The following SH3GL2 variants were observed in gnomAD, a reference collection of about 807,000 sequenced individuals.
The protein encoded by SH3GL2 is endophilin-A1.
SH3GL2 carries 24 observed loss-of-function variants against 46.0 expected under a neutral mutation model. The ratio of observed to expected loss-of-function variants is 0.52; its 90% CI spans 0.38 to 0.73. The LOEUF (loss-of-function observed/expected upper bound fraction) is 0.73. SH3GL2 is among the 30% of genes least tolerant of loss of function. The pLI is 0.00. For missense variants in SH3GL2, 413 were observed against 424.2 expected (o/e 0.97, Z 0.23); for synonymous variants, 196 against 147.1 (o/e 1.33, Z -2.40).
At chr9:17,640,361 T>G (rs1025136877) in intron 1 of SH3GL2, among the ~76,000 whole-genome samples, 2 of 152,080 alleles carry the variant, frequency 1.3e-5, no homozygotes, top group African/African-American at 4.8e-5. Context: ...CCTTTTTTCT[T>G]TTTTTTAAAC....
intron 1 of SH3GL2, among the ~76,000 whole-genome samples, chr9:17,621,061 C>T (rs1345824013): frequency 6.6e-6 from 1 of 152,080 alleles, no homozygotes; most frequent in Admixed American, 6.5e-5. Context: ...CTGTGGTTTT[C>T]GTGTATGAAA....
intron 8 of SH3GL2, among the ~76,000 whole-genome samples, chr9:17,795,208 C>T (rs889671966): frequency 4.6e-5 from 7 of 152,188 alleles, no homozygotes; most frequent in African/African-American, 9.7e-5. Flanking sequence ...CATTGTCCCT[C>T]CTATTTCTGG....
In SH3GL2 at chr9:17,747,109, A is replaced by G. The variant is rs1822711665; in HGVS notation, c.89A>G (p.Asp30Gly). ...GGAGGAGCTGAAGGAACCAAGCTAG[A>G]TGATGACTTCAAAGAGATGGAAAGG... The part of the protein sequence containing the change: ...KVGGAEGTKL[D>G]DDFKEMERKV... Residue 30 changes from aspartate (D) to glycine (G), a missense_variant, in exon 2 of 9, where the codon GAT (aspartate) becomes GGT (glycine). Transcript: ENST00000380607. 1.2e-6 allele frequency: 2 copies of G among 1,610,226 alleles called. No homozygotes were observed. The highest frequency in any genetic ancestry group is 1.3e-5 in the African/African-American group (1 of 74,990).
chr9:17,712,084 A>G (rs781462051), intron 1 of SH3GL2, among the ~76,000 whole-genome samples: 2 of 151,670 alleles, frequency 1.3e-5, no homozygotes, highest in Admixed American at 1.3e-4. Flanking sequence ...GCGTCTTTTT[A>G]TGTGCTTTTT....
Position 17,631,910 on chromosome 9 carries a change from G to C in SH3GL2, c.45+52623G>C, listed in dbSNP as rs78394602. 8.7e-4 allele frequency among the ~76,000 whole-genome samples: 132 copies of C among 152,232 alleles called. 2 individuals are homozygous for C. The East Asian group carries it at 0.021, about 24-fold the overall frequency. ...TCGACCTAAAAAATGTCAATACTTT[G>C]TTATGGTTTTGAAATGTATCTGATA... On this transcript the variant is annotated intron_variant, in intron 1 of 8. Transcript: ENST00000380607.
At chr9:17,731,301 T>C (rs755888622) in intron 1 of SH3GL2, among the ~76,000 whole-genome samples, 13 of 151,916 alleles carry the variant, frequency 8.6e-5, no homozygotes, top group Non-Finnish European at 1.6e-4. Flanking sequence ...TATTTGGAGA[T>C]GGGGCCCTTG....
chr9:17,720,175 C>T (rs2118337186), intron 1 of SH3GL2, among the ~76,000 whole-genome samples: 1 of 152,184 alleles, frequency 6.6e-6, no homozygotes, highest in East Asian at 1.9e-4. Flanking sequence ...GTACCGGAGA[C>T]ACGATGCGTC....
At chr9:17,716,488 G>A (rs1821763052) in intron 1 of SH3GL2, among the ~76,000 whole-genome samples, 1 of 152,106 alleles carries the variant, frequency 6.6e-6, no homozygotes. Context: ...TCAATTCCAG[G>A]TCAATTATAA....
At chr9:17,763,852 G>A (rs1823245881) in intron 3 of SH3GL2, among the ~76,000 whole-genome samples, 2 of 152,174 alleles carry the variant, frequency 1.3e-5, no homozygotes, top group African/African-American at 2.4e-5. Context: ...TGCACTTCAC[G>A]TTGCACGATC....
At chr9:17,687,848 A>G (rs1408782338) in intron 1 of SH3GL2, among the ~76,000 whole-genome samples, 3 of 152,104 alleles carry the variant, frequency 2.0e-5, no homozygotes, top group East Asian at 1.9e-4. Flanking sequence ...TATCTGAGGC[A>G]TACAATTTAG....
intron 1 of SH3GL2, among the ~76,000 whole-genome samples, chr9:17,701,356 C>G (rs989848971): frequency 6.6e-6 from 1 of 151,940 alleles, no homozygotes; most frequent in Non-Finnish European, 1.5e-5. Flanking sequence ...AGAGGGAAAC[C>G]GAAGACCTGA....
intron 1 of SH3GL2, among the ~76,000 whole-genome samples, chr9:17,690,231 A>G (rs1267025511): frequency 6.6e-6 from 1 of 152,132 alleles, no homozygotes; most frequent in African/African-American, 2.4e-5. Context: ...AGTAGCGTTT[A>G]TGGGATAAAC....
At position 17,725,401 on chromosome 9, in the gene SH3GL2, T is replaced by A. The variant is rs1432553529; in HGVS notation, c.46-21665T>A. On this transcript the variant is annotated intron_variant, in intron 1 of 8. Coordinates refer to ENST00000380607, the MANE Select transcript of SH3GL2 (RefSeq NM_003026.5). ...TCCACCGTTTCACTTATTGTTACTG[T>A]TATCATGAAGCTACCAGGCCCTGCA... is the stretch of plus-strand genomic sequence containing the variant. Among the ~76,000 whole-genome samples the A allele has an allele frequency of 3.9e-5, 6 of 152,260 alleles. No individual in the cohort carries two copies. In the East Asian group the frequency reaches 1.2e-3, roughly 29 times the overall value.
At chr9:17,689,457 A>G (rs1243568996) in intron 1 of SH3GL2, among the ~76,000 whole-genome samples, 1 of 152,104 alleles carries the variant, frequency 6.6e-6, no homozygotes, top group African/African-American at 2.4e-5. Flanking sequence ...ATGCCATATT[A>G]ATGTACAGTG....
chr9:17,761,282 C>T (rs1823162623), intron 2 of SH3GL2, among the ~76,000 whole-genome samples, 155 bp from the exon 3 acceptor site: 1 of 152,206 alleles, frequency 6.6e-6, no homozygotes, highest in African/African-American at 2.4e-5. Context: ...ACAGTGTCAG[C>T]ATGACTTCCA....
intron 1 of SH3GL2, among the ~76,000 whole-genome samples, chr9:17,632,925 T>A (rs1819464739): frequency 6.6e-6 from 1 of 152,216 alleles, no homozygotes; most frequent in Non-Finnish European, 1.5e-5. Context: ...TACTTATTGC[T>A]GAAACAAGTT....
chr9:17,795,731 C>G lies in SH3GL2; in HGVS notation c.1047C>G (p.Ala349=). ...TCAATTATGTGGAAATTCTGGTTGCCCTGCCCCATTAGGATGTTATGCTGG... is the reference window on the plus strand; with the variant it reads ...TCAATTATGTGGAAATTCTGGTTGCGCTGCCCCATTAGGATGTTATGCTGG... ...FPINYVEILV[A]LPH Residue 349 remains alanine (A), a synonymous_variant, in exon 9 of 9, where the codon GCC becomes GCG. Coordinates refer to ENST00000380607, the MANE Select transcript of SH3GL2 (RefSeq NM_003026.5). 1.2e-6 allele frequency: 2 copies of G among 1,613,454 alleles called. No individual in the cohort carries two copies. The highest frequency in any genetic ancestry group is 1.7e-6 in the Non-Finnish European group (2 of 1,179,614).
At chr9:17,690,802 C>G (rs1821056770) in intron 1 of SH3GL2, among the ~76,000 whole-genome samples, 1 of 152,132 alleles carries the variant, frequency 6.6e-6, no homozygotes, top group Non-Finnish European at 1.5e-5. Context: ...AACACATGGT[C>G]TCCATATCAT....
intron 1 of SH3GL2, among the ~76,000 whole-genome samples, chr9:17,595,936 T>G (rs1818561827): frequency 6.6e-6 from 1 of 152,128 alleles, no homozygotes. Flanking sequence ...GGTCAGTGGG[T>G]TTATGGGTGA....
Sources: allele counts gnomAD v4.1 joint callset (sites outside exome capture counted in the v4.1 genomes callset), GRCh38; gene constraint gnomAD v4.1.1; transcripts MANE v1.5; gene names NCBI Gene and HGNC (gene_info 2026-07-23, HGNC 2026-07-21).